Variants in SESN1 observed in about 807,000 individuals in gnomAD.
SESN1 encodes sestrin 1.
SESN1 carries 30 observed loss-of-function variants against 59.3 expected under a neutral mutation model. The observed-to-expected ratio is 0.51, with a 90% CI of 0.38 to 0.69. The LOEUF (loss-of-function observed/expected upper bound fraction) is 0.69. SESN1 is among the 30% of genes least tolerant of loss of function. SESN1 has a pLI of 0.00. For synonymous variants in SESN1, 197 were observed against 219.9 expected, an observed-to-expected ratio of 0.90 and a Z score of 0.92; for missense variants, 566 against 673.0, an observed-to-expected ratio of 0.84 and a Z score of 1.76.
intron 4 of SESN1, chr6:109,000,195 A>G (rs573313412): frequency 4.9e-6 from 1 of 203,360 alleles, no homozygotes; most frequent in South Asian, 1.8e-4. Flanking sequence ...TAGGGTACTA[A>G]CTATTCCATA....
At chr6:109,032,426 G>C (rs1214604572) in intron 1 of SESN1, among the ~76,000 whole-genome samples, 1 of 152,016 alleles carries the variant, frequency 6.6e-6, no homozygotes, top group Non-Finnish European at 1.5e-5. Context: ...AGACCAGCCT[G>C]GCCAACATAG....
intron 5 of SESN1, among the ~76,000 whole-genome samples, chr6:108,995,658 G>A (rs933868815): frequency 4.6e-5 from 7 of 152,180 alleles, no homozygotes; most frequent in African/African-American, 1.4e-4. Flanking sequence ...GCTCATGCCT[G>A]TAATCCCAGC....
chr6:109,028,465 G>C lies in SESN1; in HGVS notation c.280-26122C>G, dbSNP rs1421831481. On this transcript the variant is annotated intron_variant, in intron 1 of 9. Transcript: ENST00000436639. ...GACCTTAAAGTGTTCTGGTACATTT[G>C]CATGTATGTATGTTAAATTAAGTAC... is the stretch of plus-strand genomic sequence containing the variant. Among the ~76,000 whole-genome samples, 2 of 152,072 alleles carry C rather than the reference G, an allele frequency of 1.3e-5. 1 individual carries two copies. Among genetic ancestry groups the C allele is most frequent in the East Asian group, 3.9e-4 (2 of 5,192 alleles).
chr6:109,093,931 C>G lies in SESN1; in HGVS notation c.143G>C (p.Arg48Pro), dbSNP rs767778173. 1 of 1,614,184 alleles carries G rather than the reference C, an allele frequency of 6.2e-7. No individual in the cohort carries two copies. Among genetic ancestry groups the G allele is most frequent in the South Asian group, 1.1e-5 (1 of 91,088 alleles). The change falls in exon 1 of 10, where the codon CGT becomes CCT. Residue 48 changes from arginine (R) to proline (P), a missense_variant. Arg to Pro is a moderately radical substitution (Grantham distance 103). Transcript: ENST00000436639. ...GGTATTTGAAAGCCCGTCTGATGGA[C>G]GATGAGGTGTTTCTTTCACCGAACG... ...YLRSVKETPH[R>P]PSDGLSNTES...
At chr6:108,988,114 T>C (rs1562450827) in intron 9 of SESN1, among the ~76,000 whole-genome samples, 1 of 152,168 alleles carries the variant, frequency 6.6e-6, no homozygotes, top group Admixed American at 6.5e-5. Flanking sequence ...TTTGGATAGA[T>C]TGAGCTTTCA....
chr6:109,088,583 A>C (rs2114482387), intron 1 of SESN1, among the ~76,000 whole-genome samples: 1 of 152,170 alleles, frequency 6.6e-6, no homozygotes, highest in East Asian at 1.9e-4. Context: ...TCTTAAGCCA[A>C]TTTACTTTCA....
At chr6:109,029,382 T>G (rs1167438085) in intron 1 of SESN1, among the ~76,000 whole-genome samples, 2 of 152,244 alleles carry the variant, frequency 1.3e-5, no homozygotes, top group African/African-American at 4.8e-5. Flanking sequence ...GAGCAATTCT[T>G]AAGAGAAGCA....
intron 1 of SESN1, among the ~76,000 whole-genome samples, chr6:109,065,636 G>A (rs1387687443): frequency 6.6e-6 from 1 of 152,046 alleles, no homozygotes. Flanking sequence ...TAATAAGGAC[G>A]AGGTTGCAGG....
Position 109,026,690 on chromosome 6 carries a change from C to T in SESN1, c.280-24347G>A, listed in dbSNP as rs150528363. ...CAACTAATTTTTGTATTTTTAGTAG[C>T]GACGGGGTTTCACCATGTTGGCCAG... On this transcript the variant is annotated intron_variant, in intron 1 of 9. Coordinates refer to ENST00000436639, the MANE Select transcript of SESN1 (RefSeq NM_014454.3). Among the ~76,000 whole-genome samples, 1,207 of 151,916 alleles carry T rather than the reference C, an allele frequency of 7.9e-3. 21 individuals carry two copies. The highest frequency in any genetic ancestry group is 0.028 in the African/African-American group (1,157 of 41,452).
At chr6:108,998,492 C>A (rs368835287) in intron 5 of SESN1, 21 bp downstream of exon 5, 340 of 1,612,198 alleles carry the variant, frequency 2.1e-4, no homozygotes, top group Non-Finnish European at 2.8e-4. Context: ...TTATGACAAT[C>A]TCATGACAAA....
chr6:109,032,584 C>T (rs1482066701), intron 1 of SESN1, among the ~76,000 whole-genome samples: 2 of 149,516 alleles, frequency 1.3e-5, no homozygotes, highest in African/African-American at 5.1e-5. Flanking sequence ...GGCCATTGCA[C>T]TCTAGCCTGG....
intron 1 of SESN1, among the ~76,000 whole-genome samples, chr6:109,041,093 G>C (rs938072523): frequency 6.6e-5 from 10 of 151,584 alleles, no homozygotes; most frequent in African/African-American, 2.4e-4. Flanking sequence ...ATGAGCCCAG[G>C]AGTTTGAGAT....
intron 8 of SESN1, among the ~76,000 whole-genome samples, chr6:108,989,453 A>T (rs977237230): frequency 6.7e-6 from 1 of 150,094 alleles, no homozygotes; most frequent in East Asian, 1.9e-4. Flanking sequence ...ATACATCTCT[A>T]TATCTAGAGA....
At position 108,998,794 on chromosome 6, in the gene SESN1, G is replaced by C. The variant is rs1228637003; in HGVS notation, c.730-39C>G. 1.9e-6 allele frequency: 3 copies of C among 1,574,638 alleles called. No individual in the cohort carries two copies. In the African/African-American group the frequency reaches 4.1e-5, roughly 21 times the overall value. On this transcript the variant is annotated intron_variant, in intron 4 of 9. Coordinates refer to ENST00000436639, the MANE Select transcript of SESN1 (RefSeq NM_014454.3). ...AAAAAAAGAATATATTTTTGTACTGGGGTGTGGTAAAAGTATACAGTTCAT... is the reference window on the plus strand; with the variant it reads ...AAAAAAAGAATATATTTTTGTACTGCGGTGTGGTAAAAGTATACAGTTCAT...
chr6:109,019,575 C>T (rs937831871), intron 1 of SESN1, among the ~76,000 whole-genome samples: 4 of 152,174 alleles, frequency 2.6e-5, no homozygotes, highest in Non-Finnish European at 5.9e-5. Flanking sequence ...TTCAAGAAAA[C>T]ATAAATAAAG....
intron 1 of SESN1, among the ~76,000 whole-genome samples, chr6:109,074,869 G>A (rs1337686934): frequency 1.3e-5 from 2 of 152,158 alleles, no homozygotes; most frequent in Admixed American, 6.6e-5. Context: ...TTTGCTTTTA[G>A]TACCAAGAAT....
chr6:109,019,097 A>G (rs1387331873), intron 1 of SESN1, among the ~76,000 whole-genome samples: 1 of 152,226 alleles, frequency 6.6e-6, no homozygotes, highest in Non-Finnish European at 1.5e-5. Context: ...TCATTGATAA[A>G]ACACTTTTAC....
Position 108,990,629 on chromosome 6 carries a change from C to G in SESN1, c.1424+16G>C. ...AGAGGAAAACATCTCTTTATAAACACAGAAAGAAGACTAACCTTATTCCAA... is the reference window on the plus strand; with the variant it reads ...AGAGGAAAACATCTCTTTATAAACAGAGAAAGAAGACTAACCTTATTCCAA... On this transcript the variant is annotated intron_variant, in intron 8 of 9. Transcript: ENST00000436639. 3.7e-6 allele frequency: 6 copies of G among 1,612,448 alleles called. No individual in the cohort carries two copies. The highest frequency in any genetic ancestry group is 5.1e-6 in the Non-Finnish European group (6 of 1,179,028).
At chr6:109,088,933 C>G (rs1460826370) in intron 1 of SESN1, among the ~76,000 whole-genome samples, 1 of 152,174 alleles carries the variant, frequency 6.6e-6, no homozygotes, top group Admixed American at 6.5e-5. Flanking sequence ...TCTTCAAGTC[C>G]TAAGTACAGT....
Sources: allele counts gnomAD v4.1 joint callset (sites outside exome capture counted in the v4.1 genomes callset), GRCh38; gene constraint gnomAD v4.1.1; transcripts MANE v1.5; gene names NCBI Gene and HGNC (gene_info 2026-07-23, HGNC 2026-07-21).